The following CENPP variants were observed in gnomAD, a reference collection of about 807,000 sequenced individuals.
CENPP encodes centromere protein P.
A neutral mutation model predicts 35.6 loss-of-function variants in CENPP; 24 were observed. The observed-to-expected ratio is 0.67, with a 90% CI of 0.49 to 0.95. CENPP has a LOEUF of 0.95. Among genes scored for constraint, CENPP ranks in the 40% least tolerant of loss-of-function variants. The pLI, the probability that CENPP is intolerant of heterozygous loss-of-function variation, is 0.00. For missense variants in CENPP, 332 were observed against 345.3 expected (o/e 0.96, Z 0.31); for synonymous variants, 120 against 125.5 (o/e 0.96, Z 0.29).
At chr9:92,325,817 C>G (rs75143055), upstream of CENPP, 872 of 554,270 alleles carry the variant, frequency 1.6e-3, 1 homozygote, top group Non-Finnish European at 2.5e-3. Flanking sequence ...CTCAGGCTCT[C>G]GTGCGAGAGC....
chr9:92,419,662 T>C (rs1260811408), intron 5 of CENPP, among the ~76,000 whole-genome samples: 2 of 152,224 alleles, frequency 1.3e-5, no homozygotes, highest in African/African-American at 4.8e-5. Context: ...GAGCTATGCA[T>C]GTACAAGTAC....
intron 4 of CENPP, among the ~76,000 whole-genome samples, chr9:92,346,633 A>G (rs1841302361): frequency 6.6e-6 from 1 of 152,208 alleles, no homozygotes; most frequent in Admixed American, 6.5e-5. Flanking sequence ...GCATCCTAGA[A>G]AGAATTATTC....
At chr9:92,601,533 G>A (rs886205477) in intron 5 of CENPP, among the ~76,000 whole-genome samples, 1 of 152,146 alleles carries the variant, frequency 6.6e-6, no homozygotes, top group Non-Finnish European at 1.5e-5. Context: ...CGCCTCCCCC[G>A]TGGGGGTACC....
At chr9:92,492,848 T>G (rs994436125) in intron 5 of CENPP, among the ~76,000 whole-genome samples, 1 of 152,176 alleles carries the variant, frequency 6.6e-6, no homozygotes, top group Non-Finnish European at 1.5e-5. Flanking sequence ...CTGCCCTCAC[T>G]GAGCCCCAGC....
At chr9:92,599,397 T>C (rs1377857952) in intron 5 of CENPP, among the ~76,000 whole-genome samples, 2 of 152,096 alleles carry the variant, frequency 1.3e-5, no homozygotes, top group East Asian at 1.9e-4. Context: ...TCAGTAGTTT[T>C]TGTTTTGTTT....
intron 7 of CENPP, 132 bp downstream of exon 7, chr9:92,612,746 T>C: frequency 1.4e-6 from 1 of 713,116 alleles, no homozygotes; most frequent in Non-Finnish European, 2.4e-6. Flanking sequence ...TGTCTATCAA[T>C]TTTTAAATAT....
intron 5 of CENPP, chr9:92,496,340 A>C: frequency 6.3e-7 from 1 of 1,594,126 alleles, no homozygotes; most frequent in East Asian, 2.3e-5. Flanking sequence ...TGGTTTAAGA[A>C]CGATACTTGA....
intron 5 of CENPP, among the ~76,000 whole-genome samples, chr9:92,487,640 C>T (rs905539232): frequency 2.0e-5 from 3 of 152,114 alleles, no homozygotes; most frequent in Non-Finnish European, 4.4e-5. Flanking sequence ...GCATCAGCAA[C>T]ACAGTGAGAT....
At chr9:92,386,213 T>TA in intron 5 of CENPP, 1 of 1,606,166 alleles carries the variant, frequency 6.2e-7, no homozygotes, top group Non-Finnish European at 8.5e-7. Context: ...GAAGATGAAT[T>TA]ACACGTAGAC....
At chr9:92,404,644 A>G (rs200929817) in intron 5 of CENPP, 2 of 1,271,628 alleles carry the variant, frequency 1.6e-6, no homozygotes, top group Non-Finnish European at 2.0e-6. Flanking sequence ...CTTTAAGAAC[A>G]GTTTCCATGT....
intron 5 of CENPP, among the ~76,000 whole-genome samples, chr9:92,563,742 T>A (rs1438756565): frequency 6.6e-6 from 1 of 151,790 alleles, no homozygotes; most frequent in Non-Finnish European, 1.5e-5. Context: ...TTTGGCTGGT[T>A]CCTCATCCTC....
chr9:92,518,162 A>G (rs1319744827), intron 5 of CENPP, among the ~76,000 whole-genome samples: 2 of 152,204 alleles, frequency 1.3e-5, no homozygotes, highest in Non-Finnish European at 2.9e-5. Context: ...ATTAAATTAT[A>G]CAACATCAAC....
chr9:92,460,610 A>G (rs776396635), intron 5 of CENPP: 2 of 1,193,070 alleles, frequency 1.7e-6, no homozygotes, highest in African/African-American at 1.5e-5. Context: ...AGTATCACTA[A>G]GCCCAATTGA....
intron 5 of CENPP, among the ~76,000 whole-genome samples, chr9:92,603,633 C>T (rs561509311): frequency 3.3e-5 from 5 of 152,242 alleles, no homozygotes; most frequent in South Asian, 2.1e-4. Flanking sequence ...TGATCACCCC[C>T]GACACACCTC....
intron 5 of CENPP, among the ~76,000 whole-genome samples, chr9:92,435,091 C>T (rs1358467226): frequency 6.6e-6 from 1 of 152,056 alleles, no homozygotes; most frequent in Non-Finnish European, 1.5e-5. Context: ...TGTGTACAAC[C>T]TTAGATGTGT....
chr9:92,609,873 T>C (rs1851188158), intron 5 of CENPP, among the ~76,000 whole-genome samples: 1 of 152,018 alleles, frequency 6.6e-6, no homozygotes, highest in African/African-American at 2.4e-5. Flanking sequence ...CCCGAGTAGC[T>C]GGGATTACAG....
chr9:92,340,247 A>T (rs1469801972), intron 3 of CENPP: 1 of 140,792 alleles, frequency 7.1e-6, no homozygotes, highest in East Asian at 1.9e-4. Flanking sequence ...GTGAAAAGGG[A>T]AAGATTATCC....
At chr9:92,522,737 A>G (rs756198518) in intron 5 of CENPP, 2 of 1,614,150 alleles carry the variant, frequency 1.2e-6, no homozygotes, top group South Asian at 2.2e-5. Context: ...TGCTTGTGTG[A>G]GGTTGAACTT....
At chr9:92,594,894 T>A (rs1018698288) in intron 5 of CENPP, among the ~76,000 whole-genome samples, 1 of 143,838 alleles carries the variant, frequency 7.0e-6, no homozygotes, top group African/African-American at 2.5e-5. Context: ...TTGCTCTTCT[T>A]TTTTTTTTTT....
Sources: gnomAD v4.1 joint callset for allele counts (sites outside exome capture counted in the v4.1 genomes callset) on GRCh38, gnomAD v4.1.1 for gene constraint, MANE v1.5 for transcripts, NCBI Gene and HGNC (gene_info 2026-07-23, HGNC 2026-07-21) for gene names.